The following CSNK1G2 variants were observed in gnomAD, a reference collection of about 807,000 sequenced individuals.
The protein encoded by CSNK1G2 is casein kinase 1 gamma 2.
CSNK1G2 carries 11 observed loss-of-function variants against 48.0 expected under a neutral mutation model. That is an observed-to-expected ratio of 0.23 (90% CI 0.14 to 0.38). The LOEUF is 0.38. Ranked by LOEUF, CSNK1G2 falls within the 10% of genes least tolerant of loss-of-function variation. The probability of loss-of-function intolerance (pLI) is 1.00; values close to 1 mark genes in which losing one functional copy is unlikely to be tolerated. For missense variants in CSNK1G2, 446 were observed against 595.5 expected (o/e 0.75, Z 2.61); for synonymous variants, 337 against 254.1 (o/e 1.33, Z -3.10).
intron 1 of CSNK1G2, among the ~76,000 whole-genome samples, chr19:1,941,691 C>T (rs1024188603): frequency 2.0e-5 from 3 of 149,604 alleles, no homozygotes; most frequent in African/African-American, 2.5e-5. Flanking sequence ...CTCAGGACCT[C>T]CGGACACAGC....
rs1192915324 is a variant in CSNK1G2, at chr19:1,975,922, C to G, written c.188-2383C>G. 3.1e-5 allele frequency: 24 copies of G among 784,574 alleles called. 1 individual carries two copies. In the South Asian group the frequency reaches 4.2e-4, roughly 14 times the overall value. 48.6% of individuals were successfully genotyped at this position (784,574 alleles called of 1,614,324 possible). On this transcript the variant is annotated intron_variant, in intron 2 of 11. Transcript: ENST00000255641. Reference sequence around the variant, plus strand: ...TGATGGTGCCTGCCTGTAATTCCAGCTACTCAGGAGGCTGAGGCAGGAGAA... The same window carrying G: ...TGATGGTGCCTGCCTGTAATTCCAGGTACTCAGGAGGCTGAGGCAGGAGAA...
chr19:1,946,077 A>G (rs1599278429), intron 1 of CSNK1G2, among the ~76,000 whole-genome samples: 1 of 151,792 alleles, frequency 6.6e-6, no homozygotes, highest in African/African-American at 2.4e-5. Context: ...TTCCCGGGAG[A>G]GGTGGGAAGT....
rs185980216 is a variant in CSNK1G2, at chr19:1,946,174, G to A, written c.-266+4756G>A. ...GCCTCACGTCTGTGTCTCAGGCCGC[G>A]CAGAGGAGGGGGCGCAGGTGAGGGC... On this transcript the variant is annotated intron_variant, in intron 1 of 11. Coordinates refer to ENST00000255641, the MANE Select transcript of CSNK1G2 (RefSeq NM_001319.7). 3.5e-3 allele frequency among the ~76,000 whole-genome samples: 539 copies of A among 152,310 alleles called. 7 individuals are homozygous for A. The highest frequency in any genetic ancestry group is 0.012 in the African/African-American group (514 of 41,568).
intron 1 of CSNK1G2, among the ~76,000 whole-genome samples, chr19:1,965,915 G>C (rs1417175742): frequency 1.3e-5 from 2 of 152,122 alleles, no homozygotes; most frequent in Admixed American, 6.5e-5. Context: ...TCTCACCTCA[G>C]TCTCCTAAGT....
At chr19:1,976,000 A>C in intron 2 of CSNK1G2, 1 of 1,166,798 alleles carries the variant, frequency 8.6e-7, no homozygotes. Context: ...GCGCCAGTGC[A>C]CTCCAGCCTG....
chr19:1,979,308 G>T lies in CSNK1G2; in HGVS notation c.769-11G>T. ...CAGGGCGGGAGCAAGGCTGACCACAGACCCCCGCAGGCCGACACGCTCAAG... is the reference window on the plus strand; with the variant it reads ...CAGGGCGGGAGCAAGGCTGACCACATACCCCCGCAGGCCGACACGCTCAAG... On this transcript the variant is annotated splice_polypyrimidine_tract_variant and intron_variant, in intron 7 of 11. Transcript: ENST00000255641. The T allele has an allele frequency of 6.3e-7, 1 of 1,594,468 alleles. No homozygotes were observed. The highest frequency in any genetic ancestry group is 8.5e-7 in the Non-Finnish European group (1 of 1,172,100).
chr19:1,962,728 G>A (rs2015238154), intron 1 of CSNK1G2, among the ~76,000 whole-genome samples: 1 of 152,068 alleles, frequency 6.6e-6, no homozygotes, highest in African/African-American at 2.4e-5. Flanking sequence ...CCCGGGAGCG[G>A]CAGGTGGAGG....
rs538528241 is a variant in CSNK1G2, at chr19:1,942,112, C to T, written c.-266+694C>T. On this transcript the variant is annotated intron_variant, in intron 1 of 11. Transcript: ENST00000255641. ...CCGCAGGGACCTGTTGCGGCACTGC[C>T]TGGGAACTCCCGGCTGGGCTCGCTG... 2.4e-4 allele frequency among the ~76,000 whole-genome samples: 37 copies of T among 152,298 alleles called. No individual in the cohort carries two copies. The East Asian group carries it at 5.8e-3, about 24-fold the overall frequency.
chr19:1,946,149 G>A (rs1305742271), intron 1 of CSNK1G2, among the ~76,000 whole-genome samples: 2 of 152,172 alleles, frequency 1.3e-5, no homozygotes, highest in Admixed American at 6.5e-5. Context: ...GGAGCTAGCT[G>A]CCTCACGTCT....
chr19:1,947,077 A>G (rs1280623203), intron 1 of CSNK1G2, among the ~76,000 whole-genome samples: 1 of 152,204 alleles, frequency 6.6e-6, no homozygotes, highest in African/African-American at 2.4e-5. Context: ...AAAGGCAGAG[A>G]AAATCTTAGA....
At chr19:1,971,895 G>A (rs895671621) in intron 2 of CSNK1G2, among the ~76,000 whole-genome samples, 13 of 149,330 alleles carry the variant, frequency 8.7e-5, no homozygotes, top group African/African-American at 1.2e-4. Context: ...TCAGCCTCCC[G>A]AGTAGCTGGG....
At chr19:1,943,188 C>T (rs114660521) in intron 1 of CSNK1G2, among the ~76,000 whole-genome samples, 2,173 of 152,288 alleles carry the variant, frequency 0.014, 59 homozygotes, top group African/African-American at 0.05. Context: ...CCCTTCACCC[C>T]GGTGGGAGGC....
At chr19:1,960,119 G>A (rs1326574211) in intron 1 of CSNK1G2, among the ~76,000 whole-genome samples, 2 of 152,228 alleles carry the variant, frequency 1.3e-5, no homozygotes, top group Admixed American at 1.3e-4. Flanking sequence ...CCTGGTGCCA[G>A]TCCTGACCCT....
At chr19:1,967,029 C>T (rs2015385437) in intron 1 of CSNK1G2, among the ~76,000 whole-genome samples, 1 of 132,422 alleles carries the variant, frequency 7.6e-6, no homozygotes, top group Non-Finnish European at 1.5e-5. Context: ...CACACCACGC[C>T]CCGCTTAATT....
chr19:1,973,065 C>A (rs568147564), intron 2 of CSNK1G2, among the ~76,000 whole-genome samples: 1 of 151,458 alleles, frequency 6.6e-6, no homozygotes, highest in African/African-American at 2.4e-5. Context: ...GTAGCTGGGA[C>A]TACAGCCGCC....
rs1168517777 is a variant in CSNK1G2, at chr19:1,968,185, GCTCCTCCCTCCTCC to G, written c.-265-1314_-265-1301del. Among the ~76,000 whole-genome samples the G allele has an allele frequency of 1.6e-4, 7 of 44,366 alleles. No individual in the cohort carries two copies. The East Asian group carries it at 5.0e-3, about 32-fold the overall frequency. The allele number at this position is 44,366 out of a possible 152,430, so 29.1% of individuals were successfully genotyped here. ...ACCACCCTTCAGTTCTGCAGGTGGG[GCTCCTCCCTCCTCC>G]CTCCTCCCCAGGCTGCCCCAGACCA... On this transcript the variant is annotated intron_variant, in intron 1 of 11. Transcript: ENST00000255641.
At chr19:1,974,349 C>G (rs1849153483) in intron 2 of CSNK1G2, among the ~76,000 whole-genome samples, 1 of 152,174 alleles carries the variant, frequency 6.6e-6, no homozygotes. Flanking sequence ...GCTGGATTCG[C>G]CCTTTAGTCA....
At position 1,980,227 on chromosome 19, in the gene CSNK1G2, A is replaced by T. The variant is rs1210974685; in HGVS notation, c.*24A>T. 1.2e-6 allele frequency: 2 copies of T among 1,612,458 alleles called. No homozygotes were observed. The highest frequency in any genetic ancestry group is 2.2e-5 in the South Asian group (2 of 91,086). On this transcript the variant is annotated 3_prime_UTR_variant, in exon 12 of 12. Coordinates refer to ENST00000255641, the MANE Select transcript of CSNK1G2 (RefSeq NM_001319.7). ...GACCCTGGGCGCGTGCAGCCCCCTG[A>T]ATCTTCTCCGTGCAGCCCCTTGGGG...
intron 2 of CSNK1G2, among the ~76,000 whole-genome samples, chr19:1,970,872 G>GGGCACCCATGGCAGGCGGTGCCCAT (rs561301116): frequency 1.3e-5 from 2 of 152,164 alleles, no homozygotes; most frequent in Non-Finnish European, 2.9e-5. Flanking sequence ...GGCCTCACGT[G>GGGCACCCATGGCAGGCGGTGCCCAT]GGCACCCATG....
Sources: allele counts gnomAD v4.1 joint callset (sites outside exome capture counted in the v4.1 genomes callset), GRCh38; gene constraint gnomAD v4.1.1; transcripts MANE v1.5; gene names NCBI Gene and HGNC (gene_info 2026-07-23, HGNC 2026-07-21).